The following FAM89A variants were observed in gnomAD, a reference collection of about 807,000 sequenced individuals.
FAM89A encodes the protein protein FAM89A.
FAM89A carries 10 observed loss-of-function variants against 7.1 expected under a neutral mutation model. The ratio of observed to expected loss-of-function variants is 1.40; its 90% CI spans 0.86 to 2.38. The LOEUF is 2.38. FAM89A is among the 30% of genes most tolerant of loss of function. The probability of loss-of-function intolerance (pLI) is 0.00; values close to 1 mark genes in which losing one functional copy is unlikely to be tolerated. For synonymous variants in FAM89A, 157 were observed against 129.3 expected, an observed-to-expected ratio of 1.21 and a Z score of -1.45; for missense variants, 276 against 262.8, an observed-to-expected ratio of 1.05 and a Z score of -0.35.
At chr1:231,032,609 G>C (rs939302504) in intron 1 of FAM89A, among the ~76,000 whole-genome samples, 1 of 124,618 alleles carries the variant, frequency 8.0e-6, no homozygotes, top group African/African-American at 2.7e-5. Flanking sequence ...AATTGCAATT[G>C]AGAGTCCCAA....
In FAM89A at chr1:231,039,914, C is replaced by G; in HGVS notation, c.291+7G>C. 1 of 1,314,250 alleles carries G rather than the reference C, an allele frequency of 7.6e-7. No individual in the cohort carries two copies. The highest frequency in any genetic ancestry group is 3.1e-5 in the East Asian group (1 of 31,966). 81.4% of individuals were successfully genotyped at this position (1,314,250 alleles called of 1,614,324 possible). A position where few individuals can be genotyped will look rare whatever the true frequency, so the allele number is the denominator to read the frequency against. On this transcript the variant is annotated splice_region_variant and intron_variant, in intron 1 of 1. Coordinates refer to ENST00000366654, the MANE Select transcript of FAM89A (RefSeq NM_198552.3). ...GGAAGAGCCCCAGCTCGCGGAGCCC[C>G]ACTCACCATCTCTTTGCGGAGCAGC...
intron 1 of FAM89A, among the ~76,000 whole-genome samples, chr1:231,023,048 A>T (rs1679907320): frequency 6.6e-6 from 1 of 152,148 alleles, no homozygotes. Context: ...CACGCCCTCC[A>T]GTCCTCAGTT....
intron 1 of FAM89A, chr1:231,026,562 T>TAA (rs138780137): frequency 6.6e-6 from 1 of 152,348 alleles, no homozygotes; most frequent in East Asian, 1.9e-4. Flanking sequence ...TCCTAACTAC[T>TAA]ACCCTTTAAT....
intron 1 of FAM89A, among the ~76,000 whole-genome samples, chr1:231,023,309 G>A (rs1572353897): frequency 6.6e-6 from 1 of 152,222 alleles, no homozygotes; most frequent in South Asian, 2.1e-4. Context: ...GGGGCCCAGA[G>A]GACAACCTCT....
intron 1 of FAM89A, among the ~76,000 whole-genome samples, chr1:231,037,584 C>T (rs1244005715): frequency 2.0e-5 from 3 of 152,200 alleles, no homozygotes; most frequent in Non-Finnish European, 2.9e-5. Context: ...CCCTTCTGCA[C>T]CCTGCTGTAG....
At chr1:231,036,132 T>C (rs1384300083) in intron 1 of FAM89A, among the ~76,000 whole-genome samples, 3 of 152,214 alleles carry the variant, frequency 2.0e-5, no homozygotes, top group African/African-American at 7.2e-5. Flanking sequence ...TAAGCCCTAG[T>C]TCTAGCCTGT....
chr1:231,021,970 C>A, intron 1 of FAM89A: 1 of 1,353,662 alleles, frequency 7.4e-7, no homozygotes, highest in Non-Finnish European at 1.1e-6. Flanking sequence ...GGGATGAGGG[C>A]GCTATAGGCC....
chr1:231,032,703 G>T (rs1680095588), intron 1 of FAM89A, among the ~76,000 whole-genome samples: 1 of 152,048 alleles, frequency 6.6e-6, no homozygotes, highest in Non-Finnish European at 1.5e-5. Flanking sequence ...ATCCATTTAG[G>T]TTAACCAAAT....
intron 1 of FAM89A, among the ~76,000 whole-genome samples, chr1:231,035,259 A>G (rs1317233374): frequency 1.3e-5 from 2 of 152,198 alleles, no homozygotes; most frequent in African/African-American, 2.4e-5. Flanking sequence ...CACAAATTCA[A>G]CTTTTTTTTT....
intron 1 of FAM89A, among the ~76,000 whole-genome samples, 178 bp downstream of exon 1, chr1:231,039,743 G>A (rs1680224050): frequency 6.6e-6 from 1 of 152,188 alleles, no homozygotes; most frequent in Non-Finnish European, 1.5e-5. Flanking sequence ...TCCAATCGTG[G>A]GCACGGAGCA....
chr1:231,034,726 C>T (rs4658876), intron 1 of FAM89A, among the ~76,000 whole-genome samples: 56,932 of 144,684 alleles, frequency 0.39, 11,078 homozygotes, highest in East Asian at 0.55. Flanking sequence ...GAGCCGAGAT[C>T]GCGCCACTGC....
chr1:231,022,262 A>G, intron 1 of FAM89A: 3 of 793,386 alleles, frequency 3.8e-6, no homozygotes, highest in South Asian at 1.4e-5. Context: ...CCTGAGCTCA[A>G]AAAGACTGTT....
At chr1:231,036,360 A>G (rs1047598176) in intron 1 of FAM89A, among the ~76,000 whole-genome samples, 2 of 152,130 alleles carry the variant, frequency 1.3e-5, no homozygotes, top group African/African-American at 2.4e-5. Flanking sequence ...AGTACTTGCT[A>G]TCTAACATAC....
chr1:231,020,260 G>A, intron 1 of FAM89A, 134 bp from the exon 2 acceptor site: 2 of 955,328 alleles, frequency 2.1e-6, no homozygotes, highest in Non-Finnish European at 3.0e-6. Context: ...GCATCACTCG[G>A]ATGCTTTGGA....
intron 1 of FAM89A, among the ~76,000 whole-genome samples, chr1:231,024,520 G>GCACACACACACACACACACA (rs3220109): frequency 0.02 from 2,945 of 144,456 alleles, 42 homozygotes; most frequent in South Asian, 0.037. Context: ...TACATTGCAT[G>GCACACACACACACACACACA]CACACACACA....
chr1:231,035,758 C>T (rs1012335105), intron 1 of FAM89A, among the ~76,000 whole-genome samples: 15 of 152,308 alleles, frequency 9.8e-5, no homozygotes, highest in African/African-American at 2.6e-4. Context: ...TTGTGGGACC[C>T]TTGAGGGCAA....
Position 231,030,886 on chromosome 1 carries a change from G to A in FAM89A, c.291+9035C>T, listed in dbSNP as rs1474296402. On this transcript the variant is annotated intron_variant, in intron 1 of 1. Coordinates refer to ENST00000366654, the MANE Select transcript of FAM89A (RefSeq NM_198552.3). ...GCACTGTGGGAGGACAAGACAGGTG[G>A]AGCACTTGAGCCTGAGAGTTCGAGA... Among the ~76,000 whole-genome samples, 3 of 152,170 alleles carry A rather than the reference G, an allele frequency of 2.0e-5. 1 individual carries two copies. Among genetic ancestry groups the A allele is most frequent in the African/African-American group, 7.2e-5 (3 of 41,418 alleles).
In FAM89A at chr1:231,029,633, TGAA is replaced by T. The variant is rs536948358; in HGVS notation, c.292-9510_292-9508del. 1.1e-4 allele frequency among the ~76,000 whole-genome samples: 17 copies of T among 152,242 alleles called. No individual in the cohort carries two copies. The South Asian group carries it at 3.1e-3, about 28-fold the overall frequency. ...CCCTGCACTGCCTGTACAGGGAAGATGAAGAGAGAGGCCCCAGTCTCAGCAGTG... is the reference window on the plus strand; with the variant it reads ...CCCTGCACTGCCTGTACAGGGAAGATGAGAGAGGCCCCAGTCTCAGCAGTG... On this transcript the variant is annotated intron_variant, in intron 1 of 1. Coordinates refer to ENST00000366654, the MANE Select transcript of FAM89A (RefSeq NM_198552.3).
chr1:231,032,652 A>G (rs1680094967), intron 1 of FAM89A, among the ~76,000 whole-genome samples: 1 of 152,058 alleles, frequency 6.6e-6, no homozygotes, highest in Admixed American at 6.6e-5. Flanking sequence ...ATACCTGTCA[A>G]TATTTACCTT....
Sources: allele counts gnomAD v4.1 joint callset (sites outside exome capture counted in the v4.1 genomes callset), GRCh38; gene constraint gnomAD v4.1.1; transcripts MANE v1.5; gene names NCBI Gene and HGNC (gene_info 2026-07-23, HGNC 2026-07-21).